Variants in GALNT8 observed in about 807,000 individuals in gnomAD.
The protein encoded by GALNT8 is probable polypeptide N-acetylgalactosaminyltransferase 8.
In GALNT8, 66 loss-of-function variants were observed where a neutral mutation model predicts 62.7. That is an observed-to-expected ratio of 1.05 (90% CI 0.86 to 1.29). The LOEUF is 1.29. GALNT8 is among the 50% of genes most tolerant of loss of function. The probability of loss-of-function intolerance (pLI) is 0.00; values close to 1 mark genes in which losing one functional copy is unlikely to be tolerated. For synonymous variants in GALNT8, 288 were observed against 294.3 expected, an observed-to-expected ratio of 0.98 and a Z score of 0.22; for missense variants, 771 against 791.8, an observed-to-expected ratio of 0.97 and a Z score of 0.32.
At position 4,745,421 on chromosome 12, in the gene GALNT8, T is replaced by A. The variant is rs750692768; in HGVS notation, c.861-8T>A. ...CCAAGCTGGGCTTTCTGCACACTCT[T>A]GTTCTAGGGCAGAGCCAATCTTGGC... On this transcript the variant is annotated splice_region_variant and splice_polypyrimidine_tract_variant and intron_variant, in intron 4 of 10. Coordinates refer to ENST00000252318, the MANE Select transcript of GALNT8 (RefSeq NM_017417.2). 1 of 1,589,566 alleles carries A rather than the reference T, an allele frequency of 6.3e-7. No individual in the cohort carries two copies. Among genetic ancestry groups the A allele is most frequent in the Non-Finnish European group, 8.6e-7 (1 of 1,157,584 alleles).
intron 9 of GALNT8, among the ~76,000 whole-genome samples, chr12:4,764,970 A>G (rs1047392857): frequency 6.6e-6 from 1 of 152,040 alleles, no homozygotes; most frequent in Non-Finnish European, 1.5e-5. Context: ...TTAGTTGAAA[A>G]AATGGAGACA....
rs181649620 is a variant in GALNT8, at chr12:4,723,047, C to T, written c.211+2159C>T. 2.8e-3 allele frequency among the ~76,000 whole-genome samples: 419 copies of T among 152,192 alleles called. 2 individuals carry two copies. The highest frequency in any genetic ancestry group is 4.5e-3 in the Non-Finnish European group (303 of 67,986). ...AGGAGAGAGGAGGAGTCCTAAGGCA[C>T]CCATAGCACCTTCCACGTCCTCCTT... On this transcript the variant is annotated intron_variant, in intron 1 of 10. Coordinates refer to ENST00000252318, the MANE Select transcript of GALNT8 (RefSeq NM_017417.2).
chr12:4,749,047 TG>T lies in GALNT8; in HGVS notation c.1173+2790del, dbSNP rs1946312132. 6.6e-6 allele frequency among the ~76,000 whole-genome samples: 1 copy of T among 152,226 alleles called. No individual in the cohort carries two copies. Among genetic ancestry groups the T allele is most frequent in the Admixed American group, 6.5e-5 (1 of 15,284 alleles). ...TTGGCATAGAAATGCTACTGATTTTTGTATGTTGATTGTCCATCCTGCAACT... is the reference window on the plus strand; with the variant it reads ...TTGGCATAGAAATGCTACTGATTTTTTATGTTGATTGTCCATCCTGCAACT... On this transcript the variant is annotated intron_variant, in intron 6 of 10. Transcript: ENST00000252318. This position sits in a 1 kb window ranked among gnomAD's most constrained non-coding sequence, Gnocchi z 4.1.
At position 4,726,723 on chromosome 12, in the gene GALNT8, G is replaced by A; in HGVS notation, c.403G>A (p.Ala135Thr). 1 of 1,613,938 alleles carries A rather than the reference G, an allele frequency of 6.2e-7. No individual in the cohort carries two copies. Among genetic ancestry groups the A allele is most frequent in the Non-Finnish European group, 8.5e-7 (1 of 1,179,904 alleles). ...FRQWGEDLSE[A>T]QQKAAQDLFR... is the part of the protein sequence containing the mutation. ...GCAATGGGGCGAGGATCTTTCTGAGGCCCAGCAGAAGGCGGCCCAGGACCT... is the reference window on the plus strand; with the variant it reads ...GCAATGGGGCGAGGATCTTTCTGAGACCCAGCAGAAGGCGGCCCAGGACCT... The change falls in exon 2 of 11, where the codon GCC becomes ACC. Residue 135 changes from alanine to threonine, a missense_variant. Coordinates refer to ENST00000252318, the MANE Select transcript of GALNT8 (RefSeq NM_017417.2). This position sits in a 1 kb window ranked among gnomAD's most constrained non-coding sequence, Gnocchi z 4.1.
At chr12:4,722,257 G>C (rs925172689) in intron 1 of GALNT8, among the ~76,000 whole-genome samples, 1 of 152,126 alleles carries the variant, frequency 6.6e-6, no homozygotes, top group Non-Finnish European at 1.5e-5. Context: ...CAAGGGCCTC[G>C]CTTCCATTTT....
At chr12:4,764,163 T>C in intron 9 of GALNT8, 116 bp downstream of exon 9, 1 of 732,264 alleles carries the variant, frequency 1.4e-6, no homozygotes, top group Non-Finnish European at 2.5e-6. Flanking sequence ...GAGCGGAGCA[T>C]CCTGGGTAAG....
intron 7 of GALNT8, 128 bp downstream of exon 7, chr12:4,761,271 T>C (rs1195199716): frequency 1.5e-6 from 1 of 679,002 alleles, no homozygotes; most frequent in Non-Finnish European, 2.5e-6. Context: ...CCTGATGGTG[T>C]GATAATAATG....
intron 2 of GALNT8, among the ~76,000 whole-genome samples, chr12:4,727,886 G>A (rs892008458): frequency 4.6e-5 from 7 of 152,100 alleles, no homozygotes; most frequent in Non-Finnish European, 8.8e-5. Context: ...TACCCGATGG[G>A]TAGAATTGCT....
At position 4,723,176 on chromosome 12, in the gene GALNT8, A is replaced by G. The variant is rs369951133; in HGVS notation, c.211+2288A>G. On this transcript the variant is annotated intron_variant, in intron 1 of 10. Coordinates refer to ENST00000252318, the MANE Select transcript of GALNT8 (RefSeq NM_017417.2). ...ATTCACTACTCATTTCTATTCATAC[A>G]TCGAAATTCCATAGATGAATAAATG... 9.8e-5 allele frequency among the ~76,000 whole-genome samples: 15 copies of G among 152,338 alleles called. No homozygotes were observed. In the South Asian group the frequency reaches 1.7e-3, roughly 17 times the overall value.
rs200630669 is a variant in GALNT8 at position 4,744,531 on chromosome 12, C to T, written c.691C>T (p.His231Tyr). The part of the protein sequence containing the change: ...DFSSNGELKV[H>Y]LDEKIKLYNQ... Reference sequence around the variant, plus strand: ...TTGATTGACAGGAGAACTAAAGGTACACTTGGATGAGAAGATTAAGCTTTA... The same window carrying T: ...TTGATTGACAGGAGAACTAAAGGTATACTTGGATGAGAAGATTAAGCTTTA... The change falls in exon 4 of 11, where the codon CAC (histidine) becomes TAC (tyrosine). Residue 231 changes from histidine (H) to tyrosine (Y), a missense_variant. Transcript: ENST00000252318. 1.0e-4 allele frequency: 161 copies of T among 1,607,942 alleles called. 2 individuals carry two copies. The East Asian group carries it at 3.4e-3, about 34-fold the overall frequency.
chr12:4,768,608 A>G (rs1946410054), intron 10 of GALNT8: 1 of 240,180 alleles, frequency 4.2e-6, no homozygotes, highest in Non-Finnish European at 8.5e-6. Context: ...AATTCTGCCA[A>G]CCATTCTAAC....
At chr12:4,765,246 G>A (rs1946393658) in intron 9 of GALNT8, 133 bp from the exon 10 acceptor site, 3 of 695,594 alleles carry the variant, frequency 4.3e-6, no homozygotes, top group Non-Finnish European at 4.6e-6. Flanking sequence ...GGAAGGTTCA[G>A]TGCTCTTGGT....
chr12:4,769,128 G>A (rs1210386176), intron 10 of GALNT8, among the ~76,000 whole-genome samples: 1 of 152,170 alleles, frequency 6.6e-6, no homozygotes, highest in East Asian at 1.9e-4. Context: ...ATTTGGAGAA[G>A]GTCATCCATC....
At chr12:4,765,241 G>A in intron 9 of GALNT8, 138 bp from the exon 10 acceptor site, 1 of 669,808 alleles carries the variant, frequency 1.5e-6, no homozygotes, top group Non-Finnish European at 2.4e-6. Flanking sequence ...GTCCAGGAAG[G>A]TTCAGTGCTC....
chr12:4,750,489 C>T (rs893496744), intron 6 of GALNT8, among the ~76,000 whole-genome samples: 25 of 152,124 alleles, frequency 1.6e-4, no homozygotes, highest in African/African-American at 5.3e-4. Flanking sequence ...ATAATGGCCT[C>T]CAGCTCCATC....
chr12:4,723,665 C>T (rs966854743), intron 1 of GALNT8, among the ~76,000 whole-genome samples: 1 of 151,504 alleles, frequency 6.6e-6, no homozygotes, highest in Non-Finnish European at 1.5e-5. Flanking sequence ...TTTATTCGCT[C>T]TGAAATGTTG....
At chr12:4,767,513 G>T (rs1273979391) in intron 10 of GALNT8, among the ~76,000 whole-genome samples, 1 of 152,192 alleles carries the variant, frequency 6.6e-6, no homozygotes, top group Non-Finnish European at 1.5e-5. Context: ...AATGTTGCAG[G>T]AGGGCGGAAC....
intron 2 of GALNT8, among the ~76,000 whole-genome samples, chr12:4,737,607 A>G (rs777356156): frequency 3.3e-5 from 5 of 152,196 alleles, no homozygotes; most frequent in Non-Finnish European, 5.9e-5. Flanking sequence ...GTGATAGCCT[A>G]ACTGCTGTGG....
In GALNT8 at chr12:4,765,386, A is replaced by G; in HGVS notation, c.1601A>G (p.Tyr534Cys). 2.7e-6 allele frequency: 4 copies of G among 1,479,050 alleles called. No individual in the cohort carries two copies. The highest frequency in any genetic ancestry group is 2.7e-6 in the Non-Finnish European group (3 of 1,109,480). 91.6% of individuals were successfully genotyped at this position (1,479,050 alleles called of 1,614,324 possible). The change falls in exon 10 of 11, where the codon TAC becomes TGC. Residue 534 changes from tyrosine (Y) to cysteine (C), a missense_variant. Transcript: ENST00000252318. ...YCHEFSSQNV[Y>C]YHLTGELYVG... ...TTTTTTTTTTTTTTTTAGAATGTCT[A>G]CTATCACCTAACTGGGGAGCTCTAT...
Sources: gnomAD v4.1 joint callset for allele counts (sites outside exome capture counted in the v4.1 genomes callset) on GRCh38, gnomAD v4.1.1 for gene constraint, Gnocchi (gnomAD v3.1) non-coding constraint, MANE v1.5 for transcripts, NCBI Gene and HGNC (gene_info 2026-07-23, HGNC 2026-07-21) for gene names.